Variants in FHIT observed in about 807,000 individuals in gnomAD.
FHIT encodes the protein bis(5'-adenosyl)-triphosphatase.
A neutral mutation model predicts 17.9 loss-of-function variants in FHIT; 19 were observed. The observed-to-expected ratio is 1.06, with a 90% CI of 0.74 to 1.56. The LOEUF is 1.56. Among genes scored for constraint, FHIT ranks in the 40% most tolerant of loss-of-function variants. The probability of loss-of-function intolerance (pLI) is 0.00; values close to 1 mark genes in which losing one functional copy is unlikely to be tolerated. For missense variants in FHIT, 248 were observed against 189.2 expected, an observed-to-expected ratio of 1.31 and a Z score of -1.82; for synonymous variants, 81 against 69.7, an observed-to-expected ratio of 1.16 and a Z score of -0.81.
intron 5 of FHIT, among the ~76,000 whole-genome samples, chr3:60,330,514 C>G (rs1417578066): frequency 1.3e-5 from 2 of 152,214 alleles, no homozygotes; most frequent in African/African-American, 4.8e-5. Context: ...ACTTCTACGT[C>G]TGCACTTTCA....
chr3:59,976,571 GT>G (rs1559513516), intron 7 of FHIT, among the ~76,000 whole-genome samples: 1 of 151,932 alleles, frequency 6.6e-6, no homozygotes, highest in African/African-American at 2.4e-5. Context: ...AGAAAAAGGG[GT>G]GAAATTCTAA....
intron 2 of FHIT, among the ~76,000 whole-genome samples, chr3:61,191,482 C>T (rs2038714932): frequency 6.6e-6 from 1 of 152,138 alleles, no homozygotes; most frequent in Non-Finnish European, 1.5e-5. Flanking sequence ...AACTTCTCAG[C>T]TTCCAGAATC....
intron 5 of FHIT, among the ~76,000 whole-genome samples, chr3:60,229,632 G>GTA (rs1445131867): frequency 3.3e-5 from 5 of 152,108 alleles, no homozygotes; most frequent in African/African-American, 9.7e-5. Context: ...AAAATCCAGA[G>GTA]TAACTGGGCT....
chr3:60,309,045 T>A (rs745867774), intron 5 of FHIT, among the ~76,000 whole-genome samples: 46 of 152,182 alleles, frequency 3.0e-4, no homozygotes, highest in Admixed American at 1.6e-3. Context: ...TGCCGTCACC[T>A]CTGGTAAACA....
chr3:61,197,829 G>A (rs2038897047), intron 2 of FHIT, among the ~76,000 whole-genome samples: 1 of 152,060 alleles, frequency 6.6e-6, no homozygotes, highest in Non-Finnish European at 1.5e-5. Context: ...AATTGGGAGG[G>A]ATGACTTCTC....
At chr3:60,372,573 T>C (rs1283429112) in intron 5 of FHIT, among the ~76,000 whole-genome samples, 1 of 152,194 alleles carries the variant, frequency 6.6e-6, no homozygotes, top group African/African-American at 2.4e-5. Context: ...AAAAGAGTCA[T>C]GAGTACAAGT....
rs367860479 is a variant in FHIT at position 60,401,433 on chromosome 3, G to A, written c.103+135427C>T. Reference sequence around the variant, plus strand: ...CGGCCAGTGAGAATTATCTGCAACAGAATGGAGGCCAGGAGAGAAGAGAAG... The same window carrying A: ...CGGCCAGTGAGAATTATCTGCAACAAAATGGAGGCCAGGAGAGAAGAGAAG... On this transcript the variant is annotated intron_variant, in intron 5 of 9. Transcript: ENST00000492590. Among the ~76,000 whole-genome samples, 10 of 152,286 alleles carry A rather than the reference G, an allele frequency of 6.6e-5. 1 individual carries two copies. The highest frequency in any genetic ancestry group is 6.2e-4 in the South Asian group (3 of 4,822).
At chr3:60,903,747 T>C (rs1706243587) in intron 3 of FHIT, among the ~76,000 whole-genome samples, 1 of 152,192 alleles carries the variant, frequency 6.6e-6, no homozygotes, top group Non-Finnish European at 1.5e-5. Flanking sequence ...ATTTGGTGTC[T>C]TAAACACATA....
chr3:60,839,160 G>C (rs112342072), intron 3 of FHIT, among the ~76,000 whole-genome samples: 1 of 152,110 alleles, frequency 6.6e-6, no homozygotes, highest in Non-Finnish European at 1.5e-5. Flanking sequence ...AGGAGCTACC[G>C]AACAGACGAA....
chr3:59,986,171 T>G (rs186396218), intron 7 of FHIT, among the ~76,000 whole-genome samples: 98 of 152,038 alleles, frequency 6.4e-4, no homozygotes, highest in African/African-American at 2.3e-3. Flanking sequence ...GCTAACTTTC[T>G]TGGGAAAACT....
intron 5 of FHIT, among the ~76,000 whole-genome samples, chr3:60,325,199 C>A (rs1223823987): frequency 6.6e-6 from 1 of 152,052 alleles, no homozygotes; most frequent in Non-Finnish European, 1.5e-5. Context: ...TGAAGCCATG[C>A]TACATATTTT....
In FHIT at chr3:61,060,578, T is replaced by A. The variant is rs530872546; in HGVS notation, c.-163-18479A>T. The stretch of plus-strand genomic sequence containing the variant: ...CCCTGTCATCTGTGTGTACTCCTCA[T>A]TAAGTACCACATTATGGGCCATCAT... On this transcript the variant is annotated intron_variant, in intron 2 of 9. Coordinates refer to ENST00000492590, the MANE Select transcript of FHIT (RefSeq NM_002012.4). 1.6e-4 allele frequency among the ~76,000 whole-genome samples: 24 copies of A among 152,342 alleles called. No homozygotes were observed. The South Asian group carries it at 4.8e-3, about 30-fold the overall frequency.
At chr3:60,284,250 G>C (rs573183784) in intron 5 of FHIT, among the ~76,000 whole-genome samples, 15 of 152,260 alleles carry the variant, frequency 9.9e-5, no homozygotes, top group Non-Finnish European at 1.5e-4. Context: ...TTTAAGAATC[G>C]TAACAGTACA....
At chr3:60,774,114 G>A (rs1287467577) in intron 4 of FHIT, among the ~76,000 whole-genome samples, 2 of 152,064 alleles carry the variant, frequency 1.3e-5, no homozygotes, top group Admixed American at 1.3e-4. Context: ...TTATAAAATG[G>A]TTTCACATGC....
intron 7 of FHIT, among the ~76,000 whole-genome samples, chr3:60,010,943 C>T (rs751656996): frequency 3.9e-5 from 6 of 152,170 alleles, no homozygotes; most frequent in Admixed American, 2.6e-4. Flanking sequence ...GCTACTGCTG[C>T]GGTTATTGCT....
chr3:59,884,500 T>C (rs1034148757), intron 8 of FHIT, among the ~76,000 whole-genome samples: 1 of 152,150 alleles, frequency 6.6e-6, no homozygotes, highest in Non-Finnish European at 1.5e-5. Context: ...GGGACAACTT[T>C]ATTATGGTTG....
chr3:60,360,320 G>C (rs1357004891), intron 5 of FHIT, among the ~76,000 whole-genome samples: 2 of 151,792 alleles, frequency 1.3e-5, no homozygotes, highest in African/African-American at 2.4e-5. Flanking sequence ...CACTATAAAA[G>C]ACAAAGGCAA....
At chr3:60,428,037 G>A (rs929775420) in intron 5 of FHIT, among the ~76,000 whole-genome samples, 6 of 152,094 alleles carry the variant, frequency 3.9e-5, no homozygotes, top group African/African-American at 1.4e-4. Flanking sequence ...ATTCCCAATA[G>A]GTACTAGGTT....
At chr3:60,153,146 G>A (rs1380368121) in intron 5 of FHIT, among the ~76,000 whole-genome samples, 1 of 152,082 alleles carries the variant, frequency 6.6e-6, no homozygotes, top group Non-Finnish European at 1.5e-5. Context: ...TTTCCTCAAT[G>A]ATCTTCATAA....
Sources: allele counts gnomAD v4.1 joint callset (sites outside exome capture counted in the v4.1 genomes callset), GRCh38; gene constraint gnomAD v4.1.1; transcripts MANE v1.5; gene names NCBI Gene and HGNC (gene_info 2026-07-23, HGNC 2026-07-21).